FAM118B: variants seen among roughly 807,000 people sequenced by gnomAD.
FAM118B encodes protein FAM118B.
In FAM118B, 24 loss-of-function variants were observed where a neutral mutation model predicts 38.5. The ratio of observed to expected loss-of-function variants is 0.62; its 90% CI spans 0.45 to 0.88. The LOEUF (loss-of-function observed/expected upper bound fraction) is 0.88. Among genes scored for constraint, FAM118B ranks in the 40% least tolerant of loss-of-function variants. FAM118B has a pLI of 0.00. For synonymous variants in FAM118B, 138 were observed against 156.3 expected (o/e 0.88, Z 0.87); for missense variants, 334 against 420.0 (o/e 0.80, Z 1.79).
At chr11:126,246,184 G>C (rs935266098) in intron 4 of FAM118B, among the ~76,000 whole-genome samples, 1 of 152,072 alleles carries the variant, frequency 6.6e-6, no homozygotes, top group Non-Finnish European at 1.5e-5. Context: ...TTTTAGGTGA[G>C]ATAGAAGTAT....
At chr11:126,232,646 T>C (rs1950222075) in intron 2 of FAM118B, among the ~76,000 whole-genome samples, 1 of 151,532 alleles carries the variant, frequency 6.6e-6, no homozygotes, top group Non-Finnish European at 1.5e-5. Context: ...CTAAGTTTTT[T>C]CCTTAAAAAC....
chr11:126,228,654 A>G (rs617936), intron 1 of FAM118B, among the ~76,000 whole-genome samples: 28,096 of 151,984 alleles, frequency 0.18, 2,699 homozygotes, highest in South Asian at 0.22. Context: ...TCTGCCTCCC[A>G]GGTTCAAGAA....
At chr11:126,261,543 T>G in intron 8 of FAM118B, 59 bp downstream of exon 8, 1 of 1,417,990 alleles carries the variant, frequency 7.1e-7, no homozygotes. Context: ...TTCTAGGTCC[T>G]TGGTTAAGAA....
chr11:126,236,371 A>G (rs149283722), intron 3 of FAM118B, among the ~76,000 whole-genome samples: 5 of 152,332 alleles, frequency 3.3e-5, no homozygotes, highest in African/African-American at 1.2e-4. Flanking sequence ...TCTCTCATTC[A>G]TACTCTGCTA....
chr11:126,226,827 G>T (rs1950148122), intron 1 of FAM118B, among the ~76,000 whole-genome samples: 1 of 151,698 alleles, frequency 6.6e-6, no homozygotes, highest in Non-Finnish European at 1.5e-5. Context: ...CAAAAAATTA[G>T]CCAGGCATGG....
At chr11:126,228,567 T>C (rs1332788530) in intron 1 of FAM118B, among the ~76,000 whole-genome samples, 1 of 151,332 alleles carries the variant, frequency 6.6e-6, no homozygotes, top group East Asian at 2.0e-4. Flanking sequence ...TTTGTTTGTT[T>C]GTTTTTGTTT....
intron 1 of FAM118B, among the ~76,000 whole-genome samples, chr11:126,224,028 T>C (rs1950104249): frequency 6.6e-6 from 1 of 152,242 alleles, no homozygotes; most frequent in African/African-American, 2.4e-5. Context: ...AGGGTGTTCT[T>C]TCGTTTGAGT....
intron 7 of FAM118B, among the ~76,000 whole-genome samples, chr11:126,259,941 C>G (rs555467904): frequency 6.6e-6 from 1 of 151,464 alleles, no homozygotes; most frequent in Admixed American, 6.6e-5. Flanking sequence ...AGGATGGTCT[C>G]GATCTCCTGA....
intron 2 of FAM118B, 87 bp downstream of exon 2, chr11:126,229,380 C>T (rs1456734334): frequency 6.6e-6 from 1 of 152,110 alleles, no homozygotes; most frequent in Admixed American, 6.6e-5. Context: ...CTTTTGTTCC[C>T]TATACATATG....
chr11:126,249,445 T>C (rs1228252372), intron 4 of FAM118B, among the ~76,000 whole-genome samples: 3 of 151,124 alleles, frequency 2.0e-5, no homozygotes, highest in Non-Finnish European at 4.4e-5. Flanking sequence ...GAAAAGGAGA[T>C]GCTGAGGCTG....
chr11:126,230,876 G>T (rs1950199374), intron 2 of FAM118B, among the ~76,000 whole-genome samples: 1 of 152,168 alleles, frequency 6.6e-6, no homozygotes, highest in Non-Finnish European at 1.5e-5. Flanking sequence ...GGGATTCTTT[G>T]ATGTTTTCAA....
At chr11:126,251,580 T>C (rs1173576466) in intron 5 of FAM118B, among the ~76,000 whole-genome samples, 1 of 152,216 alleles carries the variant, frequency 6.6e-6, no homozygotes, top group Admixed American at 6.5e-5. Context: ...CCTCATATTC[T>C]GTATGGTCAG....
chr11:126,223,290 A>G (rs1341081153), intron 1 of FAM118B, among the ~76,000 whole-genome samples: 4 of 152,116 alleles, frequency 2.6e-5, no homozygotes, highest in African/African-American at 9.7e-5. Context: ...GACTTAACCC[A>G]ATTTGTGTTT....
rs892464930 is a variant in FAM118B at position 126,253,652 on chromosome 11, C to G, written c.568-653C>G. ...GTGACTCAGCCAGGCATTTTTTCTG[C>G]TGATTTTTGCACCCTCTTCACATAC... is the stretch of plus-strand genomic sequence containing the variant. On this transcript the variant is annotated intron_variant, in intron 5 of 8. Transcript: ENST00000533050. The surrounding 1 kb of genome is among the most constrained non-coding windows in gnomAD (Gnocchi z 5.1). Among the ~76,000 whole-genome samples, 1 of 152,128 alleles carries G rather than the reference C, an allele frequency of 6.6e-6. No homozygotes were observed. Among genetic ancestry groups the G allele is most frequent in the African/African-American group, 2.4e-5 (1 of 41,422 alleles).
At chr11:126,226,147 C>A (rs2936611) in intron 1 of FAM118B, among the ~76,000 whole-genome samples, 3,132 of 102,932 alleles carry the variant, frequency 0.03, no homozygotes, top group East Asian at 0.26. Context: ...GTGAGTTAGG[C>A]AGGCCAGAAA....
intron 1 of FAM118B, among the ~76,000 whole-genome samples, chr11:126,228,044 C>T (rs1010017113): frequency 6.6e-6 from 1 of 151,970 alleles, no homozygotes; most frequent in Non-Finnish European, 1.5e-5. Context: ...AAGCATTCTA[C>T]CTTCCTGAGC....
intron 4 of FAM118B, among the ~76,000 whole-genome samples, chr11:126,243,043 C>T (rs944103009): frequency 2.0e-5 from 3 of 152,090 alleles, no homozygotes; most frequent in East Asian, 1.9e-4. Context: ...ATGAAGTGCT[C>T]GTCCCATACA....
At chr11:126,259,886 A>T (rs1167108061) in intron 7 of FAM118B, among the ~76,000 whole-genome samples, 2 of 150,092 alleles carry the variant, frequency 1.3e-5, no homozygotes, top group African/African-American at 4.9e-5. Context: ...ACACCCGGCT[A>T]ATTTTTTGTA....
chr11:126,256,391 AATC>A lies in FAM118B; in HGVS notation c.697-171_697-169del, dbSNP rs1163599165. On this transcript the variant is annotated intron_variant, in intron 6 of 8. Transcript: ENST00000533050. This position sits in a 1 kb window ranked among gnomAD's most constrained non-coding sequence, Gnocchi z 6.6. ...GCAGGTAAAGATAAAATTTTAGACCAATCATCAAGTTACAGCAATAAGCAAGAG... is the reference window on the plus strand; with the variant it reads ...GCAGGTAAAGATAAAATTTTAGACCAATCAAGTTACAGCAATAAGCAAGAG... 6.6e-6 allele frequency among the ~76,000 whole-genome samples: 1 copy of A among 152,264 alleles called. No individual in the cohort carries two copies. Among genetic ancestry groups the A allele is most frequent in the Admixed American group, 6.5e-5 (1 of 15,286 alleles).
Sources: gnomAD v4.1 joint callset for allele counts (sites outside exome capture counted in the v4.1 genomes callset) on GRCh38, gnomAD v4.1.1 for gene constraint, Gnocchi (gnomAD v3.1) non-coding constraint, MANE v1.5 for transcripts, NCBI Gene and HGNC (gene_info 2026-07-23, HGNC 2026-07-21) for gene names.